Variants in SAMM50 observed in about 807,000 individuals in gnomAD.
The protein encoded by SAMM50 is SAMM50 sorting and assembly machinery component.
SAMM50 carries 47 observed loss-of-function variants against 66.9 expected under a neutral mutation model. The ratio of observed to expected loss-of-function variants is 0.70; its 90% CI spans 0.56 to 0.90. The LOEUF (loss-of-function observed/expected upper bound fraction) is 0.90, where lower values mean the gene tolerates loss of function less well. SAMM50 is among the 40% of genes least tolerant of loss of function. SAMM50 has a pLI of 0.00. For missense variants in SAMM50, 535 were observed against 595.3 expected (o/e 0.90, Z 1.05); for synonymous variants, 191 against 214.1 (o/e 0.89, Z 0.94).
chr22:43,980,429 G>A (rs1426648307), intron 10 of SAMM50, among the ~76,000 whole-genome samples: 2 of 151,486 alleles, frequency 1.3e-5, no homozygotes, highest in African/African-American at 4.9e-5. Context: ...AGGATGGTCA[G>A]GGAGGGTGGC....
At chr22:43,959,779 G>T (rs1330372790) in intron 1 of SAMM50, among the ~76,000 whole-genome samples, 1 of 152,112 alleles carries the variant, frequency 6.6e-6, no homozygotes, top group Admixed American at 6.5e-5. Flanking sequence ...TCTTATAAGT[G>T]CTTGTCACAC....
rs778295763 is a variant in SAMM50, at chr22:43,976,093, A to G, written c.687A>G (p.Glu229=). 10 of 1,612,578 alleles carry G rather than the reference A, an allele frequency of 6.2e-6. No homozygotes were observed. The highest frequency in any genetic ancestry group is 4.0e-5 in the African/African-American group (3 of 74,920). ...IWKTSHTVKW[E]GVWRELGCLS... is the part of the protein sequence containing the mutation. ...AGACCAGCCACACTGTCAAGTGGGA[A>G]GGCGTATGGCGAGAACTGGGCTGCC... Residue 229 remains glutamate (E), a synonymous_variant, in exon 8 of 15, where the codon GAA becomes GAG. Coordinates refer to ENST00000350028, the MANE Select transcript of SAMM50 (RefSeq NM_015380.5).
chr22:43,973,022 T>G (rs201626778), intron 6 of SAMM50, 21 bp downstream of exon 6: 2 of 1,585,042 alleles, frequency 1.3e-6, no homozygotes, highest in African/African-American at 2.8e-5. Flanking sequence ...CAACAGATCA[T>G]TGAGTACACT....
At chr22:43,957,802 A>T (rs1363211750) in intron 1 of SAMM50, among the ~76,000 whole-genome samples, 1 of 152,208 alleles carries the variant, frequency 6.6e-6, no homozygotes, top group Non-Finnish European at 1.5e-5. Flanking sequence ...CTCTGTGCCC[A>T]GGCTGGAGTG....
intron 3 of SAMM50, among the ~76,000 whole-genome samples, chr22:43,966,771 T>G (rs950462654): frequency 3.3e-5 from 5 of 151,750 alleles, no homozygotes; most frequent in African/African-American, 1.2e-4. Flanking sequence ...TCTCATTGTT[T>G]TAAATTGTAT....
At chr22:43,964,584 C>G in intron 3 of SAMM50, 31 bp downstream of exon 3, 2 of 1,188,460 alleles carry the variant, frequency 1.7e-6, no homozygotes, top group East Asian at 2.4e-5. Context: ...GTGTGCTTTC[C>G]CAGTCTCTTC....
intron 1 of SAMM50, 70 bp downstream of exon 1, chr22:43,955,668 A>G (rs914648897): frequency 2.7e-6 from 4 of 1,489,512 alleles, no homozygotes; most frequent in Non-Finnish European, 3.6e-6. Context: ...CCGCGGGGAG[A>G]CGCTCTCGTG....
intron 1 of SAMM50, 144 bp from the exon 2 acceptor site, chr22:43,963,142 C>G: frequency 3.7e-6 from 2 of 544,700 alleles, no homozygotes; most frequent in Non-Finnish European, 6.6e-6. Context: ...TTTTTACTCC[C>G]TGGTCCCTAT....
At chr22:43,975,049 G>C (rs1261682760) in intron 7 of SAMM50, 1 of 152,116 alleles carries the variant, frequency 6.6e-6, no homozygotes, top group Non-Finnish European at 1.5e-5. Flanking sequence ...TGGTATCCTT[G>C]GGGCCCATGT....
intron 3 of SAMM50, among the ~76,000 whole-genome samples, 192 bp downstream of exon 3, chr22:43,964,745 A>C (rs2050164522): frequency 6.6e-6 from 1 of 152,168 alleles, no homozygotes; most frequent in Non-Finnish European, 1.5e-5. Flanking sequence ...AACTCCATGT[A>C]TTCGCATTTG....
intron 1 of SAMM50, among the ~76,000 whole-genome samples, chr22:43,957,616 G>A (rs562593113): frequency 1.3e-5 from 2 of 152,246 alleles, no homozygotes; most frequent in East Asian, 3.9e-4. Context: ...AGAGACGGGG[G>A]TTTCATCATG....
At chr22:43,978,499 C>A (rs1375748365) in intron 10 of SAMM50, among the ~76,000 whole-genome samples, 1 of 151,662 alleles carries the variant, frequency 6.6e-6, no homozygotes, top group East Asian at 1.9e-4. Flanking sequence ...GAGAGCCCCT[C>A]CCCGTTTATC....
At chr22:43,976,923 C>A in intron 9 of SAMM50, 102 bp downstream of exon 9, 1 of 702,260 alleles carries the variant, frequency 1.4e-6, no homozygotes, top group Non-Finnish European at 2.5e-6. Flanking sequence ...GTGGGCAGTC[C>A]CACAGAGTAA....
chr22:43,973,021 A>T lies in SAMM50; in HGVS notation c.560+20A>T, dbSNP rs751093809. ...AAGAAAGTAGGAAGCCCAACAGATCATTGAGTACACTGGCCTGATAGAAAA... is the reference window on the plus strand; with the variant it reads ...AAGAAAGTAGGAAGCCCAACAGATCTTTGAGTACACTGGCCTGATAGAAAA... On this transcript the variant is annotated intron_variant, in intron 6 of 14. Transcript: ENST00000350028. 3.2e-6 allele frequency: 5 copies of T among 1,585,740 alleles called. No individual in the cohort carries two copies. The South Asian group carries it at 4.7e-5, about 15-fold the overall frequency.
At chr22:43,972,456 C>A in intron 5 of SAMM50, 114 bp downstream of exon 5, 1 of 582,574 alleles carries the variant, frequency 1.7e-6, no homozygotes, top group Non-Finnish European at 2.9e-6. Context: ...TTTCATTTAC[C>A]TTAATCTGTT....
intron 1 of SAMM50, among the ~76,000 whole-genome samples, chr22:43,958,700 A>G (rs376893059): frequency 7.2e-5 from 11 of 151,988 alleles, no homozygotes; most frequent in South Asian, 2.1e-4. Context: ...GATGGTCTCA[A>G]TCTCCTGACC....
At position 43,976,070 on chromosome 22, in the gene SAMM50, A is replaced by G. The variant is rs755098914; in HGVS notation, c.664A>G (p.Thr222Ala). ...CATGTTGCAGTTTCCCATATGGAAG[A>G]CCAGCCACACTGTCAAGTGGGAAGG... Reference protein sequence around the residue: ...SAEYSFPIWKTSHTVKWEGVW... With the variant: ...SAEYSFPIWKASHTVKWEGVW... The change falls in exon 8 of 15, where the codon ACC becomes GCC. Residue 222 changes from threonine (T) to alanine (A), a missense_variant. Coordinates refer to ENST00000350028, the MANE Select transcript of SAMM50 (RefSeq NM_015380.5). 8 of 1,610,690 alleles carry G rather than the reference A, an allele frequency of 5.0e-6. No individual in the cohort carries two copies. The African/African-American group carries it at 5.3e-5, about 11-fold the overall frequency.
chr22:43,968,226 CAA>C lies in SAMM50; in HGVS notation c.235-485_235-484del, dbSNP rs66961907. ...TGGGCAGCAGAGCGAAACTCTGTCT[CAA>C]AAAAAAAAAAAAAAAAAAAGAAAAA... On this transcript the variant is annotated intron_variant, in intron 3 of 14. Coordinates refer to ENST00000350028, the MANE Select transcript of SAMM50 (RefSeq NM_015380.5). Among the ~76,000 whole-genome samples the C allele has an allele frequency of 4.3e-3, 295 of 68,604 alleles. 1 individual carries two copies. The highest frequency in any genetic ancestry group is 0.014 in the African/African-American group (257 of 18,848). The allele number at this position is 68,604 out of a possible 152,430, so 45.0% of individuals were successfully genotyped here.
In SAMM50 at chr22:43,983,831, A is replaced by G; in HGVS notation, c.1008-102A>G. On this transcript the variant is annotated intron_variant, in intron 11 of 14. Coordinates refer to ENST00000350028, the MANE Select transcript of SAMM50 (RefSeq NM_015380.5). This position sits in a 1 kb window ranked among gnomAD's most constrained non-coding sequence, Gnocchi z 4.2. ...CTTGTAAAAATGCTGTCGATAATCT[A>G]GTATCGAATGTGAGTCTGACATGTG... The G allele has an allele frequency of 1.3e-6, 1 of 770,920 alleles. No homozygotes were observed. The highest frequency in any genetic ancestry group is 2.2e-6 in the Non-Finnish European group (1 of 459,916). 47.8% of individuals were successfully genotyped at this position (770,920 alleles called of 1,614,324 possible).
Sources: gnomAD v4.1 joint callset for allele counts (sites outside exome capture counted in the v4.1 genomes callset) on GRCh38, gnomAD v4.1.1 for gene constraint, Gnocchi (gnomAD v3.1) non-coding constraint, MANE v1.5 for transcripts, NCBI Gene and HGNC (gene_info 2026-07-23, HGNC 2026-07-21) for gene names.